Variants in REXO1 observed in about 807,000 individuals in gnomAD.
The protein encoded by REXO1 is RNA exonuclease 1 homolog.
In REXO1, 42 loss-of-function variants were observed where a neutral mutation model predicts 102.6. The ratio of observed to expected loss-of-function variants is 0.41; its 90% CI spans 0.32 to 0.53. The LOEUF (loss-of-function observed/expected upper bound fraction) is 0.53. Among genes scored for constraint, REXO1 ranks in the 20% least tolerant of loss-of-function variants. REXO1 has a pLI of 0.27. For synonymous variants in REXO1, 908 were observed against 779.1 expected, an observed-to-expected ratio of 1.17 and a Z score of -2.76; for missense variants, 1,819 against 1,732.5, an observed-to-expected ratio of 1.05 and a Z score of -0.89.
At chr19:1,847,169 C>T (rs944141377) in intron 1 of REXO1, among the ~76,000 whole-genome samples, 1 of 152,210 alleles carries the variant, frequency 6.6e-6, no homozygotes, top group Non-Finnish European at 1.5e-5. Context: ...CATCTGTCCA[C>T]CTGCAAACAA....
rs1164211770 is a variant in REXO1 at position 1,817,309 on chromosome 19, C to A, written c.3111G>T (p.Arg1037=). 1 of 1,612,864 alleles carries A rather than the reference C, an allele frequency of 6.2e-7. No individual in the cohort carries two copies. Residue 1037 remains arginine, a synonymous_variant, in exon 12 of 16, where the codon CGG becomes CGT. Coordinates refer to ENST00000170168, the MANE Select transcript of REXO1 (RefSeq NM_020695.4). ...TCACGAAGCCCTCAAGGCGCTCCTT[C>A]CGGCCATCCTGCACGTGTTGCTGGG... ...QVAKQHVQDG[R]KERLEGFVKT... is the part of the protein sequence containing the mutation.
At chr19:1,841,271 C>CCCA (rs2011262099) in intron 1 of REXO1, among the ~76,000 whole-genome samples, 1 of 152,238 alleles carries the variant, frequency 6.6e-6, no homozygotes, top group African/African-American at 2.4e-5. Flanking sequence ...ACAGAATCTA[C>CCCA]CCACTGCGCG....
intron 5 of REXO1, among the ~76,000 whole-genome samples, chr19:1,821,041 C>T (rs1176216558): frequency 6.8e-6 from 1 of 147,628 alleles, no homozygotes; most frequent in Non-Finnish European, 1.5e-5. Context: ...CAAAACAAGA[C>T]AAAACAAAAA....
At chr19:1,846,524 T>C (rs1199207767) in intron 1 of REXO1, among the ~76,000 whole-genome samples, 1 of 152,096 alleles carries the variant, frequency 6.6e-6, no homozygotes, top group African/African-American at 2.4e-5. Flanking sequence ...GAAGACGACA[T>C]CACCAAAGGG....
chr19:1,840,893 G>C (rs1056188359), intron 1 of REXO1, among the ~76,000 whole-genome samples: 2 of 152,190 alleles, frequency 1.3e-5, no homozygotes, highest in Non-Finnish European at 2.9e-5. Context: ...TGTGTGTCCA[G>C]GCTCAGCCCA....
rs539515135 is a variant in REXO1 at position 1,848,249 on chromosome 19, C to G, written c.110G>C (p.Arg37Pro). Reference protein sequence around the residue: ...PYCHFRHRGARGSGAPGDGGE... With the variant: ...PYCHFRHRGAPGSGAPGDGGE... ...GCCGTCACCGGGCGCGCCGGAGCCC[C>G]GGGCCCCGCGGTGCCGGAAGTGGCA... Residue 37 changes from arginine (R) to proline (P), a missense_variant, in exon 1 of 16, where the codon CGG becomes CCG. Arg to Pro is a moderately radical substitution (Grantham distance 103, BLOSUM62 -2). Transcript: ENST00000170168. 1.6e-6 allele frequency: 2 copies of G among 1,228,754 alleles called. No individual in the cohort carries two copies. Among genetic ancestry groups the G allele is most frequent in the Non-Finnish European group, 2.0e-6 (2 of 981,320 alleles). 76.1% of individuals were successfully genotyped at this position (1,228,754 alleles called of 1,614,324 possible). A position where few individuals can be genotyped will look rare whatever the true frequency, so the allele number is the denominator to read the frequency against.
chr19:1,828,488 C>T lies in REXO1; in HGVS notation c.301G>A (p.Glu101Lys). The T allele has an allele frequency of 6.2e-7, 1 of 1,605,844 alleles. No homozygotes were observed. The highest frequency in any genetic ancestry group is 8.5e-7 in the Non-Finnish European group (1 of 1,179,804). Residue 101 changes from glutamate to lysine, a missense_variant, in exon 2 of 16, where the codon GAG (glutamate) becomes AAG (lysine). Transcript: ENST00000170168. The stretch of plus-strand genomic sequence containing the variant: ...TAGCGCCGCTGCTCCAGCTCCACCT[C>T]ACTGCGCACGGCCTCGATGGCCTGG... ...VNQAIEAVRS[E>K]VELEQRRYRE...
intron 4 of REXO1, 130 bp from the exon 5 acceptor site, chr19:1,821,812 G>A (rs1273314768): frequency 1.2e-6 from 1 of 808,434 alleles, no homozygotes; most frequent in East Asian, 2.7e-5. Flanking sequence ...CCGGGCCAGG[G>A]TGAGGGGCTG....
chr19:1,846,522 C>A (rs1246877958), intron 1 of REXO1, among the ~76,000 whole-genome samples: 1 of 152,188 alleles, frequency 6.6e-6, no homozygotes, highest in Non-Finnish European at 1.5e-5. Flanking sequence ...AGGAAGACGA[C>A]ATCACCAAAG....
intron 1 of REXO1, among the ~76,000 whole-genome samples, chr19:1,830,415 G>A (rs2145294225): frequency 6.6e-6 from 1 of 152,332 alleles, no homozygotes; most frequent in Admixed American, 6.5e-5. Context: ...AGGCTAAAGT[G>A]GGAGAATCAC....
In REXO1 at chr19:1,816,418, G is replaced by A. The variant is rs1381303878; in HGVS notation, c.3456+13C>T. 1 of 1,609,594 alleles carries A rather than the reference G, an allele frequency of 6.2e-7. No individual in the cohort carries two copies. The highest frequency in any genetic ancestry group is 2.2e-5 in the East Asian group (1 of 44,718). ...TGCTGGAGAACCGCGCGGGACCCGG[G>A]CCGGCAGGGCACCTTCAGGGCCAGG... is the stretch of plus-strand genomic sequence containing the variant. On this transcript the variant is annotated intron_variant, in intron 14 of 15. Transcript: ENST00000170168.
rs775853851 is a variant in REXO1, at chr19:1,815,987, T to C, written c.*79A>G. ...GCCAGGTGGACGGGTTACCGGAGATTTATTGCACTGTTTTGGAAGAGGCAT... is the reference window on the plus strand; with the variant it reads ...GCCAGGTGGACGGGTTACCGGAGATCTATTGCACTGTTTTGGAAGAGGCAT... On this transcript the variant is annotated 3_prime_UTR_variant, in exon 16 of 16. Coordinates refer to ENST00000170168, the MANE Select transcript of REXO1 (RefSeq NM_020695.4). This position sits in a 1 kb window ranked among gnomAD's most constrained non-coding sequence, Gnocchi z 4.0. The C allele has an allele frequency of 2.6e-6, 4 of 1,536,112 alleles. No individual in the cohort carries two copies. The South Asian group carries it at 4.8e-5, about 18-fold the overall frequency.
At chr19:1,832,227 C>A (rs1221891624) in intron 1 of REXO1, among the ~76,000 whole-genome samples, 2 of 152,188 alleles carry the variant, frequency 1.3e-5, no homozygotes, top group African/African-American at 4.8e-5. Flanking sequence ...AAGGCGGGCA[C>A]TGACTCTCCC....
intron 1 of REXO1, among the ~76,000 whole-genome samples, chr19:1,842,815 T>A (rs1433788698): frequency 6.6e-6 from 1 of 152,258 alleles, no homozygotes; most frequent in African/African-American, 2.4e-5. Flanking sequence ...TATTCTCTGA[T>A]GTTTCTAAAA....
chr19:1,842,715 G>A (rs2011344046), intron 1 of REXO1, among the ~76,000 whole-genome samples: 1 of 152,252 alleles, frequency 6.6e-6, no homozygotes, highest in African/African-American at 2.4e-5. Context: ...GCAAGCCCGG[G>A]ACCTCTGGTG....
intron 1 of REXO1, among the ~76,000 whole-genome samples, chr19:1,831,321 C>T (rs1018031654): frequency 6.6e-6 from 1 of 152,230 alleles, no homozygotes; most frequent in African/African-American, 2.4e-5. Context: ...GGTCGGGCCT[C>T]AGGTGTGTTT....
intron 11 of REXO1, 75 bp downstream of exon 11, chr19:1,817,632 G>C (rs1600512305): frequency 2.0e-6 from 3 of 1,509,618 alleles, no homozygotes; most frequent in Non-Finnish European, 2.7e-6. Context: ...GCTGTGTCCC[G>C]AGACCCCACA....
intron 1 of REXO1, among the ~76,000 whole-genome samples, chr19:1,843,547 T>C (rs976352330): frequency 3.3e-5 from 5 of 152,140 alleles, no homozygotes; most frequent in Non-Finnish European, 2.9e-5. Context: ...GCAAGCTCCA[T>C]AGCTGCCACT....
intron 1 of REXO1, 100 bp from the exon 2 acceptor site, chr19:1,828,731 T>A: frequency 7.1e-7 from 1 of 1,399,716 alleles, no homozygotes; most frequent in Non-Finnish European, 9.5e-7. Context: ...GGAAGAGACC[T>A]GCCTCCGAAA....
Sources: allele counts gnomAD v4.1 joint callset (sites outside exome capture counted in the v4.1 genomes callset), GRCh38; gene constraint gnomAD v4.1.1; non-coding constraint Gnocchi (gnomAD v3.1); transcripts MANE v1.5; gene names NCBI Gene and HGNC (gene_info 2026-07-23, HGNC 2026-07-21).